KMT2C: variants seen among roughly 807,000 people sequenced by gnomAD.
The protein encoded by KMT2C is lysine methyltransferase 2C, also known as histone-lysine N-methyltransferase 2C.
In KMT2C, 88 loss-of-function variants were observed where a neutral mutation model predicts 507.9. That is an observed-to-expected ratio of 0.17 (90% CI 0.15 to 0.21). The LOEUF (loss-of-function observed/expected upper bound fraction) is 0.21. Ranked by LOEUF, KMT2C falls within the 10% of genes least tolerant of loss-of-function variation. The pLI, the probability that KMT2C is intolerant of heterozygous loss-of-function variation, is 1.00. For synonymous variants in KMT2C, 2,049 were observed against 2,080.8 expected, an observed-to-expected ratio of 0.98 and a Z score of 0.42; for missense variants, 4,954 against 5,957.8, an observed-to-expected ratio of 0.83 and a Z score of 5.55.
chr7:152,287,318 A>T (rs2096317776), intron 6 of KMT2C, among the ~76,000 whole-genome samples: 1 of 152,192 alleles, frequency 6.6e-6, no homozygotes, highest in Admixed American at 6.5e-5. Flanking sequence ...AAAAGCAGGA[A>T]CCTTTTGAGC....
At chr7:152,297,108 G>A (rs942198405) in intron 6 of KMT2C, among the ~76,000 whole-genome samples, 5 of 139,622 alleles carry the variant, frequency 3.6e-5, no homozygotes, top group South Asian at 2.3e-4. Context: ...AAAGAAAGAC[G>A]TGAATATATG....
At chr7:152,364,003 G>A (rs973972618) in intron 1 of KMT2C, among the ~76,000 whole-genome samples, 50 of 152,170 alleles carry the variant, frequency 3.3e-4, no homozygotes, top group Admixed American at 2.0e-4. Flanking sequence ...ATTCAGCAGA[G>A]ACCAGAGTGA....
At chr7:152,284,035 A>C (rs1370487049) in intron 6 of KMT2C, among the ~76,000 whole-genome samples, 1 of 152,080 alleles carries the variant, frequency 6.6e-6, no homozygotes, top group Non-Finnish European at 1.5e-5. Flanking sequence ...CTTAGTTTTG[A>C]TTACTTTGAA....
intron 9 of KMT2C, among the ~76,000 whole-genome samples, chr7:152,253,478 C>A (rs1363279691): frequency 9.4e-6 from 1 of 106,842 alleles, no homozygotes; most frequent in Non-Finnish European, 1.7e-5. Flanking sequence ...GATCCGAGAC[C>A]AATCTGGGCA....
intron 11 of KMT2C, among the ~76,000 whole-genome samples, chr7:152,251,669 C>T (rs2095564184): frequency 6.6e-6 from 1 of 152,060 alleles, no homozygotes; most frequent in African/African-American, 2.4e-5. Context: ...GGGGAACTTC[C>T]ACTGTCGGCC....
intron 2 of KMT2C, among the ~76,000 whole-genome samples, chr7:152,357,099 G>A (rs2097158476): frequency 6.6e-6 from 1 of 151,570 alleles, no homozygotes; most frequent in East Asian, 1.9e-4. Context: ...GGTGGCGCAT[G>A]TCTATAATCC....
chr7:152,333,154 T>G lies in KMT2C; in HGVS notation c.251-2415A>C, dbSNP rs140082998. On this transcript the variant is annotated intron_variant, in intron 2 of 58. Coordinates refer to ENST00000262189, the MANE Select transcript of KMT2C (RefSeq NM_170606.3). ...ATATACTCCTGGGGTTGGGTGGTTG[T>G]TTTTGTTTTTGAGAAAAGGACTCAC... Among the ~76,000 whole-genome samples, 672 of 152,196 alleles carry G rather than the reference T, an allele frequency of 4.4e-3. 2 individuals carry two copies. The highest frequency in any genetic ancestry group is 0.015 in the African/African-American group (642 of 41,532).
intron 9 of KMT2C, among the ~76,000 whole-genome samples, chr7:152,256,099 G>T (rs1425033053): frequency 2.0e-5 from 3 of 152,128 alleles, no homozygotes; most frequent in Admixed American, 6.6e-5. Context: ...GAACCCGCGA[G>T]GGGGAGGTTG....
intron 1 of KMT2C, among the ~76,000 whole-genome samples, chr7:152,399,995 G>C (rs1051246568): frequency 2.0e-5 from 3 of 152,038 alleles, no homozygotes; most frequent in African/African-American, 7.2e-5. Context: ...ACTAAAAGCA[G>C]CTATAGAGAA....
intron 4 of KMT2C, among the ~76,000 whole-genome samples, chr7:152,314,194 G>A (rs2129201798): frequency 6.6e-6 from 1 of 152,056 alleles, no homozygotes; most frequent in African/African-American, 2.4e-5. Context: ...TCCTACTTCA[G>A]GTCTTCAAGG....
intron 16 of KMT2C, among the ~76,000 whole-genome samples, chr7:152,232,054 T>A (rs1201307936): frequency 6.6e-6 from 1 of 152,036 alleles, no homozygotes; most frequent in African/African-American, 2.4e-5. Context: ...TAATTTTTTG[T>A]ATTTTTAGTA....
intron 6 of KMT2C, among the ~76,000 whole-genome samples, chr7:152,297,725 A>T (rs1225432470): frequency 6.6e-6 from 1 of 152,230 alleles, no homozygotes; most frequent in Non-Finnish European, 1.5e-5. Context: ...CTCAAAACAA[A>T]GCTCAAGAAG....
chr7:152,368,122 A>G, intron 1 of KMT2C: 1 of 937,748 alleles, frequency 1.1e-6, no homozygotes, highest in South Asian at 1.3e-5. Context: ...CATTGAAGTT[A>G]ATGGCAAAAG....
At chr7:152,384,057 C>T (rs2360212) in intron 1 of KMT2C, among the ~76,000 whole-genome samples, 15,085 of 143,754 alleles carry the variant, frequency 0.1, 1,826 homozygotes, top group African/African-American at 0.34. Context: ...TGTGTGTGTG[C>T]GTGTGTGTAG....
At chr7:152,147,989 TC>T (rs1267420483) in intron 52 of KMT2C, 43 bp downstream of exon 52, 3 of 1,497,326 alleles carry the variant, frequency 2.0e-6, no homozygotes, top group Non-Finnish European at 2.7e-6. Flanking sequence ...TAGCCTGACA[TC>T]AGAGTAAGTA....
intron 1 of KMT2C, among the ~76,000 whole-genome samples, chr7:152,422,279 T>A (rs2097781719): frequency 1.4e-5 from 2 of 138,762 alleles, no homozygotes; most frequent in African/African-American, 5.5e-5. Context: ...AAACCCAGTC[T>A]CTACTAAAAA....
intron 27 of KMT2C, among the ~76,000 whole-genome samples, chr7:152,198,322 T>G (rs778377321): frequency 6.6e-6 from 1 of 152,192 alleles, no homozygotes; most frequent in Non-Finnish European, 1.5e-5. Context: ...TCAAAAATAG[T>G]TGTCAGTATT....
At chr7:152,431,675 CTAACAGGTAAGAGAGGG>C (rs1162591282) in intron 1 of KMT2C, among the ~76,000 whole-genome samples, 1 of 151,934 alleles carries the variant, frequency 6.6e-6, no homozygotes, top group African/African-American at 2.4e-5. Flanking sequence ...CAACAACCTC[CTAACAGGTAAGAGAGGG>C]TAGCAATCCT....
chr7:152,275,984 T>C (rs1403638421), intron 6 of KMT2C, among the ~76,000 whole-genome samples: 16 of 152,226 alleles, frequency 1.1e-4, no homozygotes, highest in Admixed American at 2.0e-4. Flanking sequence ...TCTCAATGTC[T>C]TTCTCATTTT....
Sources: gnomAD v4.1 joint callset for allele counts (sites outside exome capture counted in the v4.1 genomes callset) on GRCh38, gnomAD v4.1.1 for gene constraint, MANE v1.5 for transcripts, NCBI Gene and HGNC (gene_info 2026-07-23, HGNC 2026-07-21) for gene names.